ROBO2: variants seen among roughly 807,000 people sequenced by gnomAD.
ROBO2 encodes the protein roundabout homolog 2.
ROBO2 carries 53 observed loss-of-function variants against 160.8 expected under a neutral mutation model. The observed-to-expected ratio is 0.33, with a 90% CI of 0.26 to 0.41. The LOEUF (loss-of-function observed/expected upper bound fraction) is 0.41. ROBO2 is among the 10% of genes least tolerant of loss of function. The probability of loss-of-function intolerance (pLI) is 1.00; values close to 1 mark genes in which losing one functional copy is unlikely to be tolerated. For synonymous variants in ROBO2, 664 were observed against 611.7 expected (o/e 1.09, Z -1.26); for missense variants, 1,577 against 1,722.4 (o/e 0.92, Z 1.49).
rs188217749 is a variant in ROBO2 at position 77,056,673 on chromosome 3, A to G, written c.61+15827A>G. 2.4e-3 allele frequency among the ~76,000 whole-genome samples: 371 copies of G among 152,322 alleles called. 1 individual carries two copies. Among genetic ancestry groups the G allele is most frequent in the African/African-American group, 8.3e-3 (344 of 41,572 alleles). On this transcript the variant is annotated intron_variant, in intron 1 of 25. Transcript: ENST00000461745. ...AACTCAAAACTCAGACACAAGACAT[A>G]CAATATTTTGGCAATTTGTGTTAAG...
chr3:77,471,411 A>G (rs2083335838), intron 2 of ROBO2, among the ~76,000 whole-genome samples: 1 of 152,210 alleles, frequency 6.6e-6, no homozygotes, highest in Non-Finnish European at 1.5e-5. Context: ...GCTTCATAAC[A>G]AATTACTACA....
intron 2 of ROBO2, among the ~76,000 whole-genome samples, chr3:76,331,516 T>A (rs138873646): frequency 6.6e-6 from 1 of 152,198 alleles, no homozygotes; most frequent in African/African-American, 2.4e-5. Flanking sequence ...TTATTTCCTT[T>A]ATGCCTCTAG....
intron 2 of ROBO2, among the ~76,000 whole-genome samples, chr3:77,284,737 T>C (rs1431751875): frequency 6.6e-6 from 1 of 152,062 alleles, no homozygotes. Flanking sequence ...ATCCTCTCTT[T>C]CTTACCTGTA....
At chr3:76,183,871 T>A (rs1701623555) in intron 2 of ROBO2, among the ~76,000 whole-genome samples, 2 of 152,166 alleles carry the variant, frequency 1.3e-5, no homozygotes, top group Admixed American at 1.3e-4. Flanking sequence ...TCTGCCTGCG[T>A]CCAGATTCTA....
At chr3:76,750,152 T>C (rs2093959190) in intron 2 of ROBO2, among the ~76,000 whole-genome samples, 2 of 152,032 alleles carry the variant, frequency 1.3e-5, no homozygotes, top group African/African-American at 4.8e-5. Context: ...CATACAAAAA[T>C]CATTAAATGT....
chr3:77,610,331 A>G (rs1359958245), intron 21 of ROBO2, among the ~76,000 whole-genome samples: 2 of 152,008 alleles, frequency 1.3e-5, no homozygotes, highest in African/African-American at 4.8e-5. Context: ...TTTGCTCTCC[A>G]TACTTATTAG....
rs2086396341 is a variant in ROBO2 at position 76,591,199 on chromosome 3, A to G, written c.110-506815A>G. Among the ~76,000 whole-genome samples the G allele has an allele frequency of 2.6e-5, 4 of 152,150 alleles. No homozygotes were observed. In the South Asian group the frequency reaches 8.3e-4, roughly 32 times the overall value. ...ATATATTGGATTATTACAAAAAGGTAAGCTAGAGAAAAGAAATTGTTAGAA... is the reference window on the plus strand; with the variant it reads ...ATATATTGGATTATTACAAAAAGGTGAGCTAGAGAAAAGAAATTGTTAGAA... On this transcript the variant is annotated intron_variant, in intron 2 of 26. Coordinates refer to the ROBO2 transcript ENST00000487694.
At chr3:75,966,285 A>C (rs1286986517) in intron 2 of ROBO2, among the ~76,000 whole-genome samples, 1 of 151,586 alleles carries the variant, frequency 6.6e-6, no homozygotes, top group African/African-American at 2.4e-5. Context: ...TTTTAAAGAG[A>C]CATATGCAAA....
intron 2 of ROBO2, among the ~76,000 whole-genome samples, chr3:76,243,255 C>T (rs1388087543): frequency 6.6e-6 from 1 of 152,140 alleles, no homozygotes; most frequent in African/African-American, 2.4e-5. Context: ...CAGCTTCCAG[C>T]TCCTTGAGCA....
At chr3:77,075,672 CTTTTTTTTTTTTTT>C in intron 1 of ROBO2, among the ~76,000 whole-genome samples, 1 of 87,260 alleles carries the variant, frequency 1.1e-5, no homozygotes, top group Non-Finnish European at 2.0e-5. Context: ...TTTCTTTCTC[CTTTTTTTTTTTTTT>C]TTTTTTTTTG....
intron 2 of ROBO2, chr3:76,434,136 T>A: frequency 8.4e-7 from 1 of 1,195,598 alleles, no homozygotes; most frequent in Non-Finnish European, 1.3e-6. Context: ...TGTGCAAGCA[T>A]TTGACTCACT....
intron 2 of ROBO2, among the ~76,000 whole-genome samples, chr3:77,316,287 A>G (rs2063980422): frequency 6.6e-6 from 1 of 152,150 alleles, no homozygotes; most frequent in South Asian, 2.1e-4. Context: ...GGTGACGACG[A>G]TGAACTGCGG....
chr3:76,694,406 A>G (rs2092882496), intron 2 of ROBO2, among the ~76,000 whole-genome samples: 1 of 152,168 alleles, frequency 6.6e-6, no homozygotes, highest in Non-Finnish European at 1.5e-5. Context: ...TAGCTAGTTC[A>G]GTGACTGTTA....
At chr3:76,764,656 A>G (rs2061480854) in intron 2 of ROBO2, among the ~76,000 whole-genome samples, 1 of 151,584 alleles carries the variant, frequency 6.6e-6, no homozygotes, top group Non-Finnish European at 1.5e-5. Flanking sequence ...ATGCCATCTC[A>G]AATGCTTTCA....
chr3:77,273,764 T>C (rs552500684), intron 2 of ROBO2, among the ~76,000 whole-genome samples: 1 of 152,318 alleles, frequency 6.6e-6, no homozygotes, highest in African/African-American at 2.4e-5. Context: ...AGTTGATCAG[T>C]GCTTTGCAGG....
intron 2 of ROBO2, among the ~76,000 whole-genome samples, chr3:77,153,529 C>T (rs188561907): frequency 9.2e-5 from 14 of 152,124 alleles, no homozygotes; most frequent in Admixed American, 2.0e-4. Flanking sequence ...TATGAATTTT[C>T]GACCAATGCT....
intron 2 of ROBO2, among the ~76,000 whole-genome samples, chr3:76,274,936 G>A (rs963456441): frequency 6.6e-6 from 1 of 151,920 alleles, no homozygotes; most frequent in African/African-American, 2.4e-5. Flanking sequence ...AGAATTCAGT[G>A]AATATAATAT....
chr3:76,313,338 A>C (rs921845177), intron 2 of ROBO2, among the ~76,000 whole-genome samples: 4 of 152,162 alleles, frequency 2.6e-5, no homozygotes, highest in Non-Finnish European at 5.9e-5. Context: ...TTGGCTATTG[A>C]TGGTGGTGTG....
At chr3:77,632,680 T>C in intron 23 of ROBO2, 2 of 1,518,580 alleles carry the variant, frequency 1.3e-6, no homozygotes, top group East Asian at 2.5e-5. Context: ...AAGTCAACAC[T>C]CTTTGCATGA....
Sources: gnomAD v4.1 joint callset for allele counts (sites outside exome capture counted in the v4.1 genomes callset) on GRCh38, gnomAD v4.1.1 for gene constraint, MANE v1.5 for transcripts, NCBI Gene and HGNC (gene_info 2026-07-23, HGNC 2026-07-21) for gene names.